Variants in STYXL1 observed in about 807,000 individuals in gnomAD.
The protein encoded by STYXL1 is serine/threonine/tyrosine-interacting-like protein 1.
In STYXL1, 32 loss-of-function variants were observed where a neutral mutation model predicts 36.4. That is an observed-to-expected ratio of 0.88 (90% CI 0.66 to 1.18). The LOEUF is 1.18. STYXL1 is among the 50% of genes most tolerant of loss of function. The pLI is 0.00. For synonymous variants in STYXL1, 133 were observed against 144.1 expected (o/e 0.92, Z 0.55); for missense variants, 354 against 394.1 (o/e 0.90, Z 0.86).
At chr7:76,039,188 G>A (rs898357959) in intron 1 of STYXL1, among the ~76,000 whole-genome samples, 5 of 149,202 alleles carry the variant, frequency 3.4e-5, no homozygotes, top group Non-Finnish European at 7.4e-5. Flanking sequence ...CACCCGCCTT[G>A]GCATCCCGAA....
intron 4 of STYXL1, among the ~76,000 whole-genome samples, chr7:76,016,433 A>G (rs192373202): frequency 1.0e-4 from 15 of 150,734 alleles, no homozygotes; most frequent in East Asian, 3.9e-4. Flanking sequence ...ACATATATAC[A>G]TATATACGCA....
chr7:76,028,716 C>A lies in STYXL1; in HGVS notation c.104-13G>T. On this transcript the variant is annotated splice_polypyrimidine_tract_variant and intron_variant, in intron 2 of 8. Coordinates refer to ENST00000359697, the MANE Select transcript of STYXL1 (RefSeq NM_001317785.2). Reference sequence around the variant, plus strand: ...TTGGAACGGACATCTGGAAAGGAAACGTATTTAAGAACTGAATTTGCAAAG... The same window carrying A: ...TTGGAACGGACATCTGGAAAGGAAAAGTATTTAAGAACTGAATTTGCAAAG... 5 of 1,613,610 alleles carry A rather than the reference C, an allele frequency of 3.1e-6. No individual in the cohort carries two copies. The highest frequency in any genetic ancestry group is 4.2e-6 in the Non-Finnish European group (5 of 1,179,570).
chr7:76,009,599 T>C (rs1439108714), intron 5 of STYXL1, among the ~76,000 whole-genome samples: 2 of 152,118 alleles, frequency 1.3e-5, no homozygotes, highest in East Asian at 3.9e-4. Flanking sequence ...TTAGTAGAGA[T>C]GGGGTTTCAC....
At position 76,047,088 on chromosome 7, in the gene STYXL1, C is replaced by T. The variant is rs553961796; in HGVS notation, c.-5+574G>A. On this transcript the variant is annotated intron_variant, in intron 1 of 8. Coordinates refer to ENST00000359697, the MANE Select transcript of STYXL1 (RefSeq NM_001317785.2). ...CAGCCTGACCAACGTGGTGAAACCC[C>T]GTCTCTACTAAAAAAAAAATACAAA... is the stretch of plus-strand genomic sequence containing the variant. 8.1e-3 allele frequency among the ~76,000 whole-genome samples: 341 copies of T among 42,146 alleles called. 3 individuals carry two copies. Among genetic ancestry groups the T allele is most frequent in the African/African-American group, 0.024 (327 of 13,390 alleles). The allele number at this position is 42,146 out of a possible 152,430, so 27.6% of individuals were successfully genotyped here. A position where few individuals can be genotyped will look rare whatever the true frequency, so the allele number is the denominator to read the frequency against.
chr7:76,016,390 T>C (rs781874037), intron 4 of STYXL1, among the ~76,000 whole-genome samples: 11 of 151,574 alleles, frequency 7.3e-5, no homozygotes, highest in Non-Finnish European at 1.5e-4. Context: ...TATATACGTA[T>C]GTGTGTATAT....
intron 5 of STYXL1, among the ~76,000 whole-genome samples, chr7:76,012,920 G>C (rs1183372116): frequency 6.6e-6 from 1 of 152,120 alleles, no homozygotes. Flanking sequence ...AGGTGGTCTC[G>C]AGCCGCCATG....
intron 1 of STYXL1, among the ~76,000 whole-genome samples, chr7:76,039,040 C>T (rs1192159190): frequency 6.7e-6 from 1 of 148,154 alleles, no homozygotes; most frequent in African/African-American, 2.6e-5. Context: ...CTCCGCCTCC[C>T]AGGTTCAAGC....
Position 76,039,157 on chromosome 7 carries a change from C to T in STYXL1, c.-5+8505G>A, listed in dbSNP as rs1188990021. ...TTCACCATGTTGGCCAGGCTGGTCT[C>T]GAACTCCTGACCTCGTGATCCACCC... On this transcript the variant is annotated intron_variant, in intron 1 of 8. Transcript: ENST00000359697. Among the ~76,000 whole-genome samples the T allele has an allele frequency of 6.0e-5, 9 of 149,166 alleles. 2 individuals are homozygous for T. Among genetic ancestry groups the T allele is most frequent in the African/African-American group, 1.8e-4 (7 of 38,620 alleles).
In STYXL1 at chr7:76,011,880, A is replaced by ACAGGACCAGTCATCAG. The variant is rs1406117313; in HGVS notation, c.453+1846_453+1861dup. Among the ~76,000 whole-genome samples the ACAGGACCAGTCATCAG allele has an allele frequency of 5.3e-5, 8 of 152,334 alleles. 1 individual carries two copies. The highest frequency in any genetic ancestry group is 1.9e-4 in the African/African-American group (8 of 41,572). ...CTTCCAGCCACTGCCTCCCCTACAG[A>ACAGGACCAGTCATCAG]CAGGACCAGTCATCAGCAGAAACTG... On this transcript the variant is annotated intron_variant, in intron 5 of 8. Coordinates refer to ENST00000359697, the MANE Select transcript of STYXL1 (RefSeq NM_001317785.2).
intron 8 of STYXL1, chr7:76,000,393 C>T (rs782534640): frequency 1.8e-4 from 83 of 456,584 alleles, no homozygotes; most frequent in Non-Finnish European, 3.3e-4. Flanking sequence ...ATCAAGCCCT[C>T]TGGGGATCAC....
At chr7:76,010,166 G>A (rs117380163) in intron 5 of STYXL1, among the ~76,000 whole-genome samples, 2,353 of 152,266 alleles carry the variant, frequency 0.015, 18 homozygotes, top group Non-Finnish European at 0.023. Flanking sequence ...GAGCAAGGAG[G>A]AGCAAGGAGG....
At chr7:76,043,144 T>C (rs1796634632) in intron 1 of STYXL1, among the ~76,000 whole-genome samples, 1 of 152,184 alleles carries the variant, frequency 6.6e-6, no homozygotes, top group Non-Finnish European at 1.5e-5. Flanking sequence ...TTTTATTTTA[T>C]TAGTATTGCT....
At chr7:76,028,984 C>T (rs879980837) in intron 2 of STYXL1, among the ~76,000 whole-genome samples, 4 of 151,840 alleles carry the variant, frequency 2.6e-5, no homozygotes, top group African/African-American at 7.3e-5. Context: ...ATTAGCCGGG[C>T]GTGGTGGCAG....
At chr7:76,039,952 C>T (rs191040433) in intron 1 of STYXL1, among the ~76,000 whole-genome samples, 18 of 152,218 alleles carry the variant, frequency 1.2e-4, no homozygotes, top group African/African-American at 3.4e-4. Context: ...TGGCCTCCAT[C>T]GCTAGTACCT....
chr7:76,023,470 C>T (rs1217765293), intron 3 of STYXL1, among the ~76,000 whole-genome samples: 1 of 152,110 alleles, frequency 6.6e-6, no homozygotes, highest in Non-Finnish European at 1.5e-5. Context: ...CTCAAATGAT[C>T]TTCGCACTTC....
At position 76,021,978 on chromosome 7, in the gene STYXL1, A is replaced by G; in HGVS notation, c.180T>C (p.Tyr60=). 6.2e-7 allele frequency: 1 copy of G among 1,602,598 alleles called. No individual in the cohort carries two copies. The highest frequency in any genetic ancestry group is 8.5e-7 in the Non-Finnish European group (1 of 1,177,768). Residue 60 remains tyrosine (Y), a synonymous_variant, in exon 4 of 9, where the codon TAT becomes TAC. Coordinates refer to ENST00000359697, the MANE Select transcript of STYXL1 (RefSeq NM_001317785.2). ...ALRVKKKNNE[Y]LLPESVDLEC... is the part of the protein sequence containing the mutation. ...CCAGGTCCACAGACTCCGGGAGAAG[A>G]TATTCATTATTTTTCTTAAAAAAAA...
Position 76,030,531 on chromosome 7 carries a change from G to C in STYXL1, c.-4-4C>G, listed in dbSNP as rs1795205948. 6.3e-7 allele frequency: 1 copy of C among 1,576,772 alleles called. No homozygotes were observed. Among genetic ancestry groups the C allele is most frequent in the Non-Finnish European group, 8.7e-7 (1 of 1,145,816 alleles). ...TAAAAGCAAACCAGGCATCCTGCTGGGAAGAATCAATAACACACAAGGGTA... is the reference window on the plus strand; with the variant it reads ...TAAAAGCAAACCAGGCATCCTGCTGCGAAGAATCAATAACACACAAGGGTA... On this transcript the variant is annotated splice_region_variant and splice_polypyrimidine_tract_variant and intron_variant, in intron 1 of 8. Coordinates refer to ENST00000359697, the MANE Select transcript of STYXL1 (RefSeq NM_001317785.2).
chr7:76,003,800 C>A lies in STYXL1; in HGVS notation c.655G>T (p.Ala219Ser), dbSNP rs782640438. ...TGGCGTAAGAAGGGAAGAATCTGGG[C>A]TTCCGGGGAATCTTCTATCCGGATG... ...LHIRIEDSPE[A>S]QILPFLRHMC... The change falls in exon 7 of 9, where the codon GCC becomes TCC. Residue 219 changes from alanine to serine, a missense_variant. Transcript: ENST00000359697. 2 of 1,614,224 alleles carry A rather than the reference C, an allele frequency of 1.2e-6. No homozygotes were observed. Among genetic ancestry groups the A allele is most frequent in the East Asian group, 2.2e-5 (1 of 44,890 alleles).
At chr7:76,033,056 G>A (rs992039749) in intron 1 of STYXL1, among the ~76,000 whole-genome samples, 1 of 152,224 alleles carries the variant, frequency 6.6e-6, no homozygotes, top group Non-Finnish European at 1.5e-5. Context: ...TCGGGCTCCA[G>A]TTGGCAGAGC....
Sources: allele counts gnomAD v4.1 joint callset (sites outside exome capture counted in the v4.1 genomes callset), GRCh38; gene constraint gnomAD v4.1.1; transcripts MANE v1.5; gene names NCBI Gene and HGNC (gene_info 2026-07-23, HGNC 2026-07-21).